TET3: variants seen among roughly 807,000 people sequenced by gnomAD.
TET3 encodes the protein methylcytosine dioxygenase TET3.
Under a neutral mutation model 141.4 loss-of-function variants are expected in TET3, and 19 were observed. The ratio of observed to expected loss-of-function variants is 0.13; its 90% CI spans 0.09 to 0.20. The LOEUF is 0.20. TET3 is among the 10% of genes least tolerant of loss of function. The pLI, the probability that TET3 is intolerant of heterozygous loss-of-function variation, is 1.00. For synonymous variants in TET3, 1,043 were observed against 980.9 expected (o/e 1.06, Z -1.18); for missense variants, 1,874 against 2,356.9 (o/e 0.80, Z 4.24).
intron 2 of TET3, among the ~76,000 whole-genome samples, chr2:73,990,908 G>A (rs1344665121): frequency 2.0e-5 from 3 of 152,150 alleles, no homozygotes; most frequent in Admixed American, 6.5e-5. Flanking sequence ...GAAGTGATGA[G>A]AATCTTTAGA....
chr2:74,100,291 T>A, intron 11 of TET3, 102 bp from the exon 12 acceptor site: 1 of 1,256,516 alleles, frequency 8.0e-7, no homozygotes, highest in Non-Finnish European at 1.1e-6. Flanking sequence ...AGAGGAAACA[T>A]CCCTGGGAAA....
chr2:74,048,801 T>G (rs928278850), intron 4 of TET3, among the ~76,000 whole-genome samples: 1 of 152,142 alleles, frequency 6.6e-6, no homozygotes, highest in Non-Finnish European at 1.5e-5. Context: ...ACTTGGACTA[T>G]TCTTGGTTCA....
chr2:74,035,209 A>G (rs1280269932), intron 3 of TET3, among the ~76,000 whole-genome samples: 16 of 146,992 alleles, frequency 1.1e-4, no homozygotes, highest in Admixed American at 2.0e-4. Context: ...CTCAAAAAAA[A>G]AAAAAAAAAA....
At position 74,046,002 on chromosome 2, in the gene TET3, T is replaced by G. The variant is rs1271803051; in HGVS notation, c.361-276T>G. Among the ~76,000 whole-genome samples the G allele has an allele frequency of 6.6e-6, 1 of 152,236 alleles. No individual in the cohort carries two copies. The highest frequency in any genetic ancestry group is 2.4e-5 in the African/African-American group (1 of 41,460). ...AGGAGAGCCTCATTTGTGTGATTGA[T>G]CTGAGGCTCTAAAAGTTTCTGAGCA... On this transcript the variant is annotated intron_variant, in intron 3 of 11. Transcript: ENST00000409262. The surrounding 1 kb of genome is among the most constrained non-coding windows in gnomAD (Gnocchi z 4.3).
chr2:74,008,558 C>T (rs1471069283), intron 3 of TET3, among the ~76,000 whole-genome samples: 1 of 152,098 alleles, frequency 6.6e-6, no homozygotes, highest in African/African-American at 2.4e-5. Flanking sequence ...CCTTTTTCCC[C>T]TGGGGGTTGA....
chr2:74,061,862 T>G, intron 4 of TET3, among the ~76,000 whole-genome samples: 1 of 138,568 alleles, frequency 7.2e-6, no homozygotes, highest in Non-Finnish European at 1.6e-5. Flanking sequence ...CTACATGGGA[T>G]GGCGGCCGGG....
chr2:74,066,228 T>TTTTTATA (rs1351094332), intron 4 of TET3, among the ~76,000 whole-genome samples: 1 of 152,202 alleles, frequency 6.6e-6, no homozygotes, highest in Non-Finnish European at 1.5e-5. Context: ...ACTTCTTTGA[T>TTTTTATA]TTTTATATTT....
At chr2:74,085,909 T>C (rs1005792712) in intron 6 of TET3, among the ~76,000 whole-genome samples, 3 of 152,322 alleles carry the variant, frequency 2.0e-5, no homozygotes, top group Non-Finnish European at 4.4e-5. Context: ...TTTTTCCTTG[T>C]CCCTCAGCCT....
At chr2:74,037,682 C>G (rs889928129) in intron 3 of TET3, among the ~76,000 whole-genome samples, 2 of 152,314 alleles carry the variant, frequency 1.3e-5, no homozygotes, top group African/African-American at 4.8e-5. Flanking sequence ...CATGGTTCTT[C>G]TAATATGGTG....
intron 6 of TET3, among the ~76,000 whole-genome samples, chr2:74,085,811 C>G (rs964446116): frequency 6.6e-6 from 1 of 152,138 alleles, no homozygotes; most frequent in Admixed American, 6.5e-5. Context: ...GGTACCTCAG[C>G]CTCAGGATGC....
chr2:74,090,114 G>C (rs766291426), intron 8 of TET3, 67 bp downstream of exon 8: 1 of 1,591,130 alleles, frequency 6.3e-7, no homozygotes, highest in African/African-American at 1.3e-5. Flanking sequence ...ATGGTCCAGC[G>C]GGAGGTAGTA....
Position 74,092,996 on chromosome 2 carries a change from C to A in TET3, c.3129+5C>A. 3 of 1,562,996 alleles carry A rather than the reference C, an allele frequency of 1.9e-6. No individual in the cohort carries two copies. The highest frequency in any genetic ancestry group is 2.6e-6 in the Non-Finnish European group (3 of 1,153,540). On this transcript the variant is annotated splice_donor_5th_base_variant and intron_variant, in intron 9 of 11. Transcript: ENST00000409262. ...CCTCAGGCCTATCAGAACCAGGTAA[C>A]GGGCCCTGGGCCTTTTGCTGCCCAC...
chr2:74,008,544 A>G (rs990977856), intron 3 of TET3, among the ~76,000 whole-genome samples: 10 of 152,254 alleles, frequency 6.6e-5, no homozygotes. Context: ...ACCTAGAGGT[A>G]TACCCTTTTT....
chr2:74,103,465 A>G lies in TET3; in HGVS notation c.*1289A>G, dbSNP rs1691342611. On this transcript the variant is annotated 3_prime_UTR_variant, in exon 12 of 12. Transcript: ENST00000409262. Reference sequence around the variant, plus strand: ...GCTGTCATTGGGTTCGGGGGCCTACACTTAACAATTTTAAAGTGCAAGAGT... The same window carrying G: ...GCTGTCATTGGGTTCGGGGGCCTACGCTTAACAATTTTAAAGTGCAAGAGT... The G allele has an allele frequency of 6.6e-6, 1 of 152,202 alleles. No homozygotes were observed. Among genetic ancestry groups the G allele is most frequent in the Admixed American group, 6.5e-5 (1 of 15,282 alleles). The allele number at this position is 152,202 out of a possible 1,614,324, so 9.4% of individuals were successfully genotyped here.
the TET3 span, among the ~76,000 whole-genome samples, chr2:74,129,870 G>T: frequency 6.6e-6 from 1 of 151,970 alleles, no homozygotes; most frequent in African/African-American, 2.4e-5. Flanking sequence ...GAGGTGGACG[G>T]ATTACCTGAG....
Position 74,093,512 on chromosome 2 carries a change from C to G in TET3, c.3130-17C>G. On this transcript the variant is annotated splice_polypyrimidine_tract_variant and intron_variant, in intron 9 of 11. Transcript: ENST00000409262. This position sits in a 1 kb window ranked among gnomAD's most constrained non-coding sequence, Gnocchi z 4.2. The stretch of plus-strand genomic sequence containing the variant: ...ACCTCAGGTCATGTGAGCACCTCTC[C>G]TTGGCTGTCTACACAGGTGACCAAC... The G allele has an allele frequency of 6.3e-7, 1 of 1,593,608 alleles. No homozygotes were observed. Among genetic ancestry groups the G allele is most frequent in the Non-Finnish European group, 8.6e-7 (1 of 1,168,476 alleles).
At chr2:74,132,752 C>G in the TET3 span, among the ~76,000 whole-genome samples, 1 of 152,066 alleles carries the variant, frequency 6.6e-6, no homozygotes, top group East Asian at 1.9e-4. Flanking sequence ...ATGGCAGATG[C>G]CAATCTAGAG....
At position 74,105,419 on chromosome 2, in the gene TET3, A is replaced by C. The variant is rs1345251487; in HGVS notation, c.*3243A>C. 1.0e-5 allele frequency: 4 copies of C among 398,462 alleles called. No individual in the cohort carries two copies. The highest frequency in any genetic ancestry group is 2.1e-5 in the African/African-American group (1 of 48,612). The allele number at this position is 398,462 out of a possible 1,614,324, so 24.7% of individuals were successfully genotyped here. On this transcript the variant is annotated 3_prime_UTR_variant, in exon 12 of 12. Transcript: ENST00000409262. ...ATCGCTTCGCAGCAGGTTCTCACAA[A>C]ATAACTGGTGCTAGCTCAAGAAATC...
chr2:74,099,338 G>A lies in TET3; in HGVS notation c.3330G>A (p.Leu1110=), dbSNP rs992727614. 1 of 1,613,398 alleles carries A rather than the reference G, an allele frequency of 6.2e-7. No homozygotes were observed. ...GCAAGATTCCCGAGGATGAGCAGCTGCATGTTCTCCCCCTGTACAAGATGG... is the reference window on the plus strand; with the variant it reads ...GCAAGATTCCCGAGGATGAGCAGCTACATGTTCTCCCCCTGTACAAGATGG... ...CVGKIPEDEQ[L]HVLPLYKMAN... Residue 1110 remains leucine, a synonymous_variant, in exon 11 of 12, where the codon CTG becomes CTA. Coordinates refer to ENST00000409262, the MANE Select transcript of TET3 (RefSeq NM_001287491.2).
Sources: gnomAD v4.1 joint callset for allele counts (sites outside exome capture counted in the v4.1 genomes callset) on GRCh38, gnomAD v4.1.1 for gene constraint, Gnocchi (gnomAD v3.1) non-coding constraint, MANE v1.5 for transcripts, NCBI Gene and HGNC (gene_info 2026-07-23, HGNC 2026-07-21) for gene names.